Variants in WDR49 observed in about 807,000 individuals in gnomAD.
WDR49 encodes WD repeat domain 49.
In WDR49, 107 loss-of-function variants were observed where a neutral mutation model predicts 119.5. The observed-to-expected ratio is 0.90, with a 90% CI of 0.77 to 1.05. The LOEUF is 1.05. Among genes scored for constraint, WDR49 ranks in the 50% least tolerant of loss-of-function variants. The probability of loss-of-function intolerance (pLI) is 0.00; values close to 1 mark genes in which losing one functional copy is unlikely to be tolerated. For missense variants in WDR49, 1,240 were observed against 1,220.5 expected (o/e 1.02, Z -0.24); for synonymous variants, 425 against 418.8 (o/e 1.01, Z -0.18).
chr3:167,536,416 C>T (rs916916239), intron 11 of WDR49, among the ~76,000 whole-genome samples: 11 of 151,978 alleles, frequency 7.2e-5, no homozygotes, highest in Non-Finnish European at 1.3e-4. Context: ...CAGTGGCTCA[C>T]GCCTGTAATC....
intron 10 of WDR49, among the ~76,000 whole-genome samples, chr3:167,537,903 C>G (rs1339379929): frequency 6.6e-6 from 1 of 152,128 alleles, no homozygotes; most frequent in Non-Finnish European, 1.5e-5. Flanking sequence ...TCCCACCACT[C>G]TAAAGGTCTC....
chr3:167,643,989 C>A (rs759401992), intron 2 of WDR49, among the ~76,000 whole-genome samples: 2 of 150,458 alleles, frequency 1.3e-5, no homozygotes, highest in Non-Finnish European at 3.0e-5. Flanking sequence ...GCTACCAGAT[C>A]ATGTTGGACA....
intron 2 of WDR49, among the ~76,000 whole-genome samples, chr3:167,627,612 CTCTATT>C (rs2108327739): frequency 6.6e-6 from 1 of 152,098 alleles, no homozygotes; most frequent in Non-Finnish European, 1.5e-5. Context: ...TTCAGGTTAC[CTCTATT>C]TAAGCTAGAA....
At chr3:167,568,984 C>T (rs576418197) in intron 8 of WDR49, among the ~76,000 whole-genome samples, 2 of 151,896 alleles carry the variant, frequency 1.3e-5, no homozygotes, top group Admixed American at 6.6e-5. Context: ...GCTCTGTCGC[C>T]CAGGTTGGAG....
intron 15 of WDR49, among the ~76,000 whole-genome samples, chr3:167,526,355 G>T (rs1457676649): frequency 6.6e-6 from 1 of 152,138 alleles, no homozygotes; most frequent in East Asian, 1.9e-4. Flanking sequence ...TTCTTGGTTC[G>T]ACCCCGGATG....
intron 18 of WDR49, among the ~76,000 whole-genome samples, chr3:167,483,207 T>G (rs535449217): frequency 6.8e-4 from 104 of 152,324 alleles, no homozygotes; most frequent in African/African-American, 2.5e-3. Context: ...TATGAGATAA[T>G]GTGGATAACT....
chr3:167,656,354 A>T (rs186965083), upstream of WDR49, among the ~76,000 whole-genome samples: 101 of 152,308 alleles, frequency 6.6e-4, 1 homozygote, highest in East Asian at 0.015. Flanking sequence ...CAGCCCCATA[A>T]ATGTTTGTAA....
intron 5 of WDR49, among the ~76,000 whole-genome samples, chr3:167,618,658 G>T (rs1313033123): frequency 2.0e-5 from 3 of 151,948 alleles, no homozygotes; most frequent in African/African-American, 7.3e-5. Context: ...CTTCTCTGTA[G>T]CCAATTCCTA....
chr3:167,584,749 A>G (rs1338682091), intron 7 of WDR49, among the ~76,000 whole-genome samples: 2 of 152,134 alleles, frequency 1.3e-5, no homozygotes, highest in East Asian at 3.8e-4. Context: ...ACAAAAATGA[A>G]CCATAAAGTT....
chr3:167,595,208 A>G (rs1304526350), intron 7 of WDR49, among the ~76,000 whole-genome samples: 7 of 152,172 alleles, frequency 4.6e-5, no homozygotes, highest in South Asian at 2.1e-4. Context: ...ACTGCTCAAC[A>G]AAATAAAAGA....
Position 167,529,117 on chromosome 3 carries a change from CA to C in WDR49, c.2340del (p.Asp781IlefsTer3). ...GTGGTAAGGTATCGATTCATCTTAT[CA>C]GTAGACATAATAATCGATCCAACTC... ...HSGVGSIIMS[T>X]DKMNRYLTTG... On this transcript the variant is annotated frameshift_variant, in exon 14 of 19. Transcript: ENST00000682715. LOFTEE classifies it high-confidence loss of function. 6.2e-7 allele frequency: 1 copy of C among 1,611,092 alleles called. No individual in the cohort carries two copies. The highest frequency in any genetic ancestry group is 8.5e-7 in the Non-Finnish European group (1 of 1,178,968).
intron 10 of WDR49, among the ~76,000 whole-genome samples, chr3:167,540,684 G>T (rs1467270095): frequency 6.6e-6 from 1 of 151,970 alleles, no homozygotes; most frequent in Non-Finnish European, 1.5e-5. Flanking sequence ...CCCCAGCAAT[G>T]AATCCAAACC....
chr3:167,510,764 A>C (rs960628550), intron 16 of WDR49, among the ~76,000 whole-genome samples: 19 of 152,096 alleles, frequency 1.2e-4, no homozygotes, highest in Non-Finnish European at 2.5e-4. Flanking sequence ...GCTTTAAGAC[A>C]CTTAATTTTT....
intron 11 of WDR49, among the ~76,000 whole-genome samples, chr3:167,535,073 A>G (rs1752974906): frequency 6.6e-6 from 1 of 152,142 alleles, no homozygotes; most frequent in South Asian, 2.1e-4. Context: ...CAAAATATAG[A>G]TATATTATTA....
intron 18 of WDR49, among the ~76,000 whole-genome samples, chr3:167,488,158 A>G (rs1750996569): frequency 7.1e-6 from 1 of 141,520 alleles, no homozygotes; most frequent in Non-Finnish European, 1.5e-5. Flanking sequence ...ACACACACAC[A>G]CACACACACA....
rs531822824 is a variant in WDR49, at chr3:167,512,482, G to C, written c.2775-7066C>G. ...TCAGGAGCCTCAAAGATTGAAGGTA[G>C]ATAAACCCACAAAGATGAGAAAAAA... On this transcript the variant is annotated intron_variant, in intron 16 of 18. Transcript: ENST00000682715. Among the ~76,000 whole-genome samples the C allele has an allele frequency of 3.3e-5, 5 of 152,258 alleles. No individual in the cohort carries two copies. The South Asian group carries it at 1.0e-3, about 32-fold the overall frequency.
chr3:167,502,443 C>G (rs749248191), intron 17 of WDR49, among the ~76,000 whole-genome samples: 2 of 151,992 alleles, frequency 1.3e-5, no homozygotes, highest in Admixed American at 6.6e-5. Context: ...AATGGGCAGA[C>G]GTTGGAAGAG....
intron 2 of WDR49, among the ~76,000 whole-genome samples, chr3:167,637,870 C>G (rs193059574): frequency 6.6e-6 from 1 of 151,674 alleles, no homozygotes; most frequent in Admixed American, 6.6e-5. Context: ...ATTCTTTTAT[C>G]AGTTCCAGGA....
chr3:167,497,352 G>T (rs1751392361), intron 18 of WDR49, among the ~76,000 whole-genome samples: 1 of 151,998 alleles, frequency 6.6e-6, no homozygotes, highest in Admixed American at 6.6e-5. Flanking sequence ...ATTGAAGAAA[G>T]AAAATAAAAA....
Sources: gnomAD v4.1 joint callset for allele counts (sites outside exome capture counted in the v4.1 genomes callset) on GRCh38, gnomAD v4.1.1 for gene constraint, MANE v1.5 for transcripts, NCBI Gene and HGNC (gene_info 2026-07-23, HGNC 2026-07-21) for gene names.